MAN2A1: variants seen among roughly 807,000 people sequenced by gnomAD.
The protein encoded by MAN2A1 is mannosidase alpha class 2A member 1, also known as alpha-mannosidase 2.
MAN2A1 carries 76 observed loss-of-function variants against 142.6 expected under a neutral mutation model. The observed-to-expected ratio is 0.53, with a 90% CI of 0.44 to 0.65. MAN2A1 has a LOEUF of 0.65. MAN2A1 is among the 30% of genes least tolerant of loss of function. The pLI, the probability that MAN2A1 is intolerant of heterozygous loss-of-function variation, is 0.00. For missense variants in MAN2A1, 1,311 were observed against 1,365.1 expected, an observed-to-expected ratio of 0.96 and a Z score of 0.62; for synonymous variants, 559 against 473.2, an observed-to-expected ratio of 1.18 and a Z score of -2.35.
chr5:109,811,769 T>C (rs1754326290), intron 12 of MAN2A1, among the ~76,000 whole-genome samples: 1 of 152,280 alleles, frequency 6.6e-6, no homozygotes, highest in African/African-American at 2.4e-5. Flanking sequence ...GTATTCATAT[T>C]CATAAGTTTA....
chr5:109,785,033 A>C, intron 10 of MAN2A1, 107 bp downstream of exon 10: 1 of 714,126 alleles, frequency 1.4e-6, no homozygotes, highest in Non-Finnish European at 2.3e-6. Flanking sequence ...CACATTAACA[A>C]TGATATCCCT....
chr5:109,834,759 TA>T (rs1755016977), intron 16 of MAN2A1, among the ~76,000 whole-genome samples: 1 of 152,190 alleles, frequency 6.6e-6, no homozygotes, highest in Non-Finnish European at 1.5e-5. Flanking sequence ...TGAAATTTAC[TA>T]AAATTTGTAT....
chr5:109,710,437 C>G (rs1422410302), intron 1 of MAN2A1, among the ~76,000 whole-genome samples: 2 of 151,888 alleles, frequency 1.3e-5, no homozygotes, highest in African/African-American at 4.8e-5. Flanking sequence ...ACAGAAAGAT[C>G]TGGAGAAATG....
intron 4 of MAN2A1, among the ~76,000 whole-genome samples, chr5:109,746,969 A>T (rs1242155782): frequency 6.6e-6 from 1 of 152,228 alleles, no homozygotes; most frequent in Non-Finnish European, 1.5e-5. Flanking sequence ...GCTACATGAT[A>T]TTCCCCTGTA....
At chr5:109,751,079 A>G (rs1752533556) in intron 4 of MAN2A1, among the ~76,000 whole-genome samples, 1 of 151,872 alleles carries the variant, frequency 6.6e-6, no homozygotes, top group Non-Finnish European at 1.5e-5. Flanking sequence ...TACTCCTTTT[A>G]TCTAACTGCA....
At chr5:109,849,448 A>G (rs1250846151) in intron 19 of MAN2A1, among the ~76,000 whole-genome samples, 1 of 152,150 alleles carries the variant, frequency 6.6e-6, no homozygotes, top group Non-Finnish European at 1.5e-5. Context: ...CCCAGTCAAC[A>G]GCCACCGCCA....
chr5:109,783,650 G>A (rs779165905), intron 9 of MAN2A1, among the ~76,000 whole-genome samples: 60 of 151,904 alleles, frequency 3.9e-4, no homozygotes, highest in Non-Finnish European at 7.6e-4. Flanking sequence ...ACATTTTCAA[G>A]TTGCCTTGAT....
At chr5:109,797,778 G>C (rs1222562454) in intron 12 of MAN2A1, among the ~76,000 whole-genome samples, 1 of 151,916 alleles carries the variant, frequency 6.6e-6, no homozygotes, top group African/African-American at 2.4e-5. Context: ...AAAGGAAAAA[G>C]GACATATTAA....
chr5:109,802,710 T>C (rs955173949), intron 12 of MAN2A1, among the ~76,000 whole-genome samples: 11 of 152,170 alleles, frequency 7.2e-5, no homozygotes, highest in Admixed American at 2.0e-4. Flanking sequence ...CACCCTTTTG[T>C]ACCACATTCT....
intron 5 of MAN2A1, among the ~76,000 whole-genome samples, chr5:109,756,398 A>G (rs376541149): frequency 1.3e-3 from 200 of 152,308 alleles, no homozygotes; most frequent in African/African-American, 4.6e-3. Context: ...GTAGTTTTTT[A>G]TGTAAGTATA....
intron 12 of MAN2A1, among the ~76,000 whole-genome samples, chr5:109,793,156 C>A (rs942316442): frequency 6.6e-6 from 1 of 152,108 alleles, no homozygotes; most frequent in African/African-American, 2.4e-5. Flanking sequence ...AGTTCACATA[C>A]CTTTCATGTA....
intron 9 of MAN2A1, among the ~76,000 whole-genome samples, chr5:109,783,670 A>G (rs752710983): frequency 6.0e-5 from 9 of 151,002 alleles, no homozygotes; most frequent in Admixed American, 4.6e-4. Context: ...TTCTGTCTGC[A>G]TTGTCCTTAA....
chr5:109,844,761 C>T (rs1233592778), intron 17 of MAN2A1, among the ~76,000 whole-genome samples: 2 of 152,170 alleles, frequency 1.3e-5, no homozygotes, highest in Non-Finnish European at 2.9e-5. Flanking sequence ...TGTCATACAG[C>T]GTTCTCCCTA....
intron 4 of MAN2A1, among the ~76,000 whole-genome samples, chr5:109,738,233 G>GTTTTTTTTTT (rs70999941): frequency 7.3e-5 from 9 of 122,544 alleles, no homozygotes; most frequent in Non-Finnish European, 1.0e-4. Context: ...GGTATTTTAT[G>GTTTTTTTTTT]TTTTTTTTTT....
intron 12 of MAN2A1, among the ~76,000 whole-genome samples, chr5:109,792,790 G>T (rs1186337721): frequency 6.6e-6 from 1 of 151,946 alleles, no homozygotes; most frequent in Non-Finnish European, 1.5e-5. Flanking sequence ...CTCCCTGTTG[G>T]CTGAGGGTTC....
intron 5 of MAN2A1, among the ~76,000 whole-genome samples, chr5:109,762,498 A>G (rs1422955914): frequency 6.6e-6 from 1 of 152,084 alleles, no homozygotes; most frequent in Non-Finnish European, 1.5e-5. Context: ...GCCTCTTGTG[A>G]GAGAGCATAC....
chr5:109,742,118 G>C (rs1467393448), intron 4 of MAN2A1, among the ~76,000 whole-genome samples: 1 of 152,200 alleles, frequency 6.6e-6, no homozygotes, highest in Non-Finnish European at 1.5e-5. Context: ...CCTTTGACTA[G>C]CACACAGCAT....
chr5:109,834,353 G>A (rs1755006148), intron 16 of MAN2A1, among the ~76,000 whole-genome samples: 1 of 151,706 alleles, frequency 6.6e-6, no homozygotes, highest in Non-Finnish European at 1.5e-5. Context: ...TCTATTTTGA[G>A]GTTAAAACTG....
intron 10 of MAN2A1, among the ~76,000 whole-genome samples, chr5:109,787,986 A>G (rs1753638082): frequency 6.6e-6 from 1 of 151,888 alleles, no homozygotes. Flanking sequence ...ACATCTCTGA[A>G]GGAAATATTA....
Sources: allele counts gnomAD v4.1 joint callset (sites outside exome capture counted in the v4.1 genomes callset), GRCh38; gene constraint gnomAD v4.1.1; transcripts MANE v1.5; gene names NCBI Gene and HGNC (gene_info 2026-07-23, HGNC 2026-07-21).